Variants in FHAD1 observed in about 807,000 individuals in gnomAD.
FHAD1 encodes forkhead-associated domain-containing protein 1.
FHAD1 carries 146 observed loss-of-function variants against 191.3 expected under a neutral mutation model. That is an observed-to-expected ratio of 0.76 (90% confidence interval 0.67 to 0.88). FHAD1 has a LOEUF of 0.88. FHAD1 is among the 40% of genes least tolerant of loss of function. The pLI, the probability that FHAD1 is intolerant of heterozygous loss-of-function variation, is 0.00. For missense variants in FHAD1, 1,635 were observed against 1,785.8 expected (o/e 0.92, Z 1.52); for synonymous variants, 616 against 672.3 (o/e 0.92, Z 1.29).
At chr1:15,361,279 G>A (rs181307770) in intron 22 of FHAD1, among the ~76,000 whole-genome samples, 1 of 152,276 alleles carries the variant, frequency 6.6e-6, no homozygotes, top group East Asian at 1.9e-4. Flanking sequence ...TTTGGAGCAG[G>A]ATCATTTTTT....
chr1:15,277,847 G>A (rs141791720), intron 3 of FHAD1, among the ~76,000 whole-genome samples: 210 of 152,282 alleles, frequency 1.4e-3, no homozygotes, highest in African/African-American at 4.8e-3. Flanking sequence ...TGATGATAAT[G>A]TCTGGCGGCT....
At chr1:15,323,607 A>G (rs1348662106) in intron 10 of FHAD1, among the ~76,000 whole-genome samples, 1 of 152,248 alleles carries the variant, frequency 6.6e-6, no homozygotes, top group Non-Finnish European at 1.5e-5. Context: ...AAATCCTCTC[A>G]TCTAGGAGAG....
intron 31 of FHAD1, chr1:15,384,615 T>G (rs1701676794): frequency 6.6e-6 from 1 of 152,216 alleles, no homozygotes; most frequent in Non-Finnish European, 1.5e-5. Flanking sequence ...CAATGCGGGC[T>G]GGCCAGCCTT....
chr1:15,271,206 G>C (rs7549801), intron 2 of FHAD1, among the ~76,000 whole-genome samples: 88,964 of 147,118 alleles, frequency 0.6, 27,367 homozygotes, highest in East Asian at 0.83. Context: ...CCAGCTACTC[G>C]GGAGGCTGAG....
chr1:15,357,294 G>C (rs1335976096), intron 20 of FHAD1, among the ~76,000 whole-genome samples: 1 of 152,144 alleles, frequency 6.6e-6, no homozygotes, highest in Non-Finnish European at 1.5e-5. Flanking sequence ...TCACATTATT[G>C]CAGGAGGGAC....
downstream of FHAD1, among the ~76,000 whole-genome samples, chr1:15,401,144 T>C (rs1438613839): frequency 6.6e-6 from 1 of 152,210 alleles, no homozygotes; most frequent in African/African-American, 2.4e-5. Flanking sequence ...AGATACCTCC[T>C]GTGGCTAACT....
intron 19 of FHAD1, among the ~76,000 whole-genome samples, chr1:15,351,225 G>T (rs1171130071): frequency 6.6e-6 from 1 of 152,138 alleles, no homozygotes; most frequent in Non-Finnish European, 1.5e-5. Flanking sequence ...CACACCTGTA[G>T]TCCCAGCTGC....
Position 15,352,892 on chromosome 1 carries a change from A to G in FHAD1, c.2470A>G (p.Ile824Val). 6.4e-7 allele frequency: 1 copy of G among 1,551,334 alleles called. No individual in the cohort carries two copies. Among genetic ancestry groups the G allele is most frequent in the Non-Finnish European group, 8.7e-7 (1 of 1,146,806 alleles). ...TGACTTCCAGATCTCAGAGAGCAACATTGCGTACGAGAAACGCAAAGCAAA... is the reference window on the plus strand; with the variant it reads ...TGACTTCCAGATCTCAGAGAGCAACGTTGCGTACGAGAAACGCAAAGCAAA... ...TQQKEISESN[I>V]AYEKRKAKEA... The change falls in exon 20 of 34, where the codon ATT becomes GTT. Residue 824 changes from isoleucine to valine, a missense_variant. Ile to Val is a conservative substitution (Grantham distance 29). Transcript: ENST00000688493.
At chr1:15,247,543 C>G (rs1231108884) in intron 1 of FHAD1, 148 bp downstream of exon 1, 1 of 159,486 alleles carries the variant, frequency 6.3e-6, no homozygotes, top group Admixed American at 6.5e-5. Context: ...ACCCCAGTAG[C>G]TACCCCAACA....
At chr1:15,356,723 T>C (rs1692917795) in intron 20 of FHAD1, among the ~76,000 whole-genome samples, 1 of 151,874 alleles carries the variant, frequency 6.6e-6, no homozygotes. Flanking sequence ...AATACAAAAA[T>C]TAGCCGGGCG....
chr1:15,280,003 A>G (rs542777923), intron 3 of FHAD1, among the ~76,000 whole-genome samples: 1 of 152,218 alleles, frequency 6.6e-6, no homozygotes, highest in Non-Finnish European at 1.5e-5. Flanking sequence ...TCCATTCTCT[A>G]TCAGGGAAGT....
Position 15,381,794 on chromosome 1 carries a change from G to A in FHAD1, c.4023-234G>A, listed in dbSNP as rs1700963477. On this transcript the variant is annotated intron_variant, in intron 30 of 33. Transcript: ENST00000688493. The surrounding 1 kb of genome is among the most constrained non-coding windows in gnomAD (Gnocchi z 4.6). ...GTCGCAGTTCCCCACTCCCCAGGAA[G>A]TCAGGAGGGGCTGGTAGCACATCCT... Among the ~76,000 whole-genome samples, 1 of 152,014 alleles carries A rather than the reference G, an allele frequency of 6.6e-6. No homozygotes were observed. The highest frequency in any genetic ancestry group is 1.5e-5 in the Non-Finnish European group (1 of 68,034).
At chr1:15,343,315 T>C (rs1161890001) in intron 16 of FHAD1, among the ~76,000 whole-genome samples, 2 of 152,158 alleles carry the variant, frequency 1.3e-5, no homozygotes, top group South Asian at 2.1e-4. Flanking sequence ...GCCACTGTTG[T>C]GGGTGGGTGT....
intron 10 of FHAD1, among the ~76,000 whole-genome samples, chr1:15,322,447 G>C (rs1676630120): frequency 6.6e-6 from 1 of 152,168 alleles, no homozygotes; most frequent in African/African-American, 2.4e-5. Context: ...TCAAAGCATA[G>C]AGTCAAGTCA....
At chr1:15,363,142 T>TG (rs968609074) in intron 23 of FHAD1, among the ~76,000 whole-genome samples, 1 of 152,186 alleles carries the variant, frequency 6.6e-6, no homozygotes, top group Non-Finnish European at 1.5e-5. Context: ...TTGCATCTGG[T>TG]GAGGGCCTTC....
rs563619163 is a variant in FHAD1, at chr1:15,377,891, A to T, written c.3705+2161A>T. Among the ~76,000 whole-genome samples, 883 of 152,328 alleles carry T rather than the reference A, an allele frequency of 5.8e-3. 5 individuals carry two copies. Among genetic ancestry groups the T allele is most frequent in the African/African-American group, 0.02 (836 of 41,580 alleles). On this transcript the variant is annotated intron_variant, in intron 28 of 33. Transcript: ENST00000688493. ...GCAGGAGGAAGAACAGCTGGCATTT[A>T]CTGAGTGCTTACTGTGTACCAGGCA... is the stretch of plus-strand genomic sequence containing the variant.
In FHAD1 at chr1:15,352,925, A is replaced by G. The variant is rs555623090; in HGVS notation, c.2503A>G (p.Met835Val). Reference sequence around the variant, plus strand: ...CGAGAAACGCAAAGCAAAGGAGGCCATGGAGAAGGAAAAGAAAAAGGTGCA... The same window carrying G: ...CGAGAAACGCAAAGCAAAGGAGGCCGTGGAGAAGGAAAAGAAAAAGGTGCA... ...AYEKRKAKEA[M>V]EKEKKKVQDL... The change falls in exon 20 of 34, where the codon ATG becomes GTG. Residue 835 changes from methionine to valine, a missense_variant. Coordinates refer to ENST00000688493, the MANE Select transcript of FHAD1 (RefSeq NM_001391957.1). 5.8e-6 allele frequency: 9 copies of G among 1,551,344 alleles called. No individual in the cohort carries two copies. The Admixed American group carries it at 7.9e-5, about 14-fold the overall frequency.
intron 32 of FHAD1, chr1:15,388,406 C>T: frequency 2.4e-6 from 3 of 1,255,750 alleles, no homozygotes; most frequent in South Asian, 1.3e-5. Flanking sequence ...CGCGTCCAGC[C>T]CCGTCTGTCC....
At chr1:15,313,778 G>C (rs1673039377) in intron 8 of FHAD1, among the ~76,000 whole-genome samples, 1 of 152,096 alleles carries the variant, frequency 6.6e-6, no homozygotes, top group Non-Finnish European at 1.5e-5. Flanking sequence ...CTGTTTAAAA[G>C]TAATTTTGAG....
Sources: gnomAD v4.1 joint callset for allele counts (sites outside exome capture counted in the v4.1 genomes callset) on GRCh38, gnomAD v4.1.1 for gene constraint, Gnocchi (gnomAD v3.1) non-coding constraint, MANE v1.5 for transcripts, NCBI Gene and HGNC (gene_info 2026-07-23, HGNC 2026-07-21) for gene names.